The following PAK3 variants were observed in gnomAD, a reference collection of about 807,000 sequenced individuals.
The protein encoded by PAK3 is serine/threonine-protein kinase PAK 3.
PAK3 carries 4 observed loss-of-function variants against 41.0 expected under a neutral mutation model. The ratio of observed to expected loss-of-function variants is 0.10; its 90% CI spans 0.05 to 0.22. The LOEUF (loss-of-function observed/expected upper bound fraction) is 0.22. PAK3 is among the 10% of genes least tolerant of loss of function. The probability of loss-of-function intolerance (pLI) is 1.00; values close to 1 mark genes in which losing one functional copy is unlikely to be tolerated. For synonymous variants in PAK3, 146 were observed against 139.6 expected, an observed-to-expected ratio of 1.05 and a Z score of -0.32; for missense variants, 205 against 409.9, an observed-to-expected ratio of 0.50 and a Z score of 4.32.
chrX:110,987,339 G>A (rs1041827923), intron 1 of PAK3, among the ~76,000 whole-genome samples: 2 of 112,485 alleles, frequency 1.8e-5, no homozygotes, highest in Non-Finnish European at 3.8e-5. Context: ...GATGGAGAGT[G>A]TGTTCATTTC....
intron 1 of PAK3, among the ~76,000 whole-genome samples, chrX:111,075,627 G>T (rs2092778362): frequency 8.9e-6 from 1 of 112,805 alleles, no homozygotes; most frequent in African/African-American, 3.2e-5. Context: ...CCTCTACTAT[G>T]GCAGCACCAA....
rs1171139193 is a variant in PAK3 at position 111,224,708 on chromosome X, C to A, written c.*4261C>A. On this transcript the variant is annotated 3_prime_UTR_variant, in exon 18 of 18. Transcript: ENST00000372007. The stretch of plus-strand genomic sequence containing the variant: ...TGTGATTTTTAAAGAGCAAGGGAGA[C>A]CATCTAACCAAAGGATAACTTCCTT... 1 of 111,866 alleles carries A rather than the reference C, an allele frequency of 8.9e-6. No homozygotes were observed. The highest frequency in any genetic ancestry group is 1.9e-5 in the Non-Finnish European group (1 of 53,175). 9.2% of individuals were successfully genotyped at this position (111,866 alleles called of 1,213,427 possible). A position where few individuals can be genotyped will look rare whatever the true frequency, so the allele number is the denominator to read the frequency against.
At chrX:111,083,908 G>C (rs187296891) in intron 1 of PAK3, among the ~76,000 whole-genome samples, 280 of 112,667 alleles carry the variant, frequency 2.5e-3, no homozygotes, top group Non-Finnish European at 4.2e-3. Flanking sequence ...GTGCTTGGCA[G>C]AGTGCTAGGC....
At position 111,220,360 on chromosome X, in the gene PAK3, T is replaced by C. The variant is rs1189080607; in HGVS notation, c.1548T>C (p.His516=). 2 of 1,171,990 alleles carry C rather than the reference T, an allele frequency of 1.7e-6. No individual in the cohort carries two copies. Among genetic ancestry groups the C allele is most frequent in the Non-Finnish European group, 2.3e-6 (2 of 861,087 alleles). Reference sequence around the variant, plus strand: ...CCTCTTTTTCCTTCCTTTTGCAGCATCCATTTTTAAAATTAGCCAAGCCTC... The same window carrying C: ...CCTCTTTTTCCTTCCTTTTGCAGCACCCATTTTTAAAATTAGCCAAGCCTC... ...RRGSAKELLQ[H]PFLKLAKPLS... The change falls in exon 18 of 18, where the codon CAT becomes CAC. Residue 516 remains histidine (H), a splice_region_variant and synonymous_variant. Transcript: ENST00000372007.
chrX:111,004,434 A>G (rs748133692), intron 1 of PAK3, among the ~76,000 whole-genome samples: 15 of 112,421 alleles, frequency 1.3e-4, no homozygotes, highest in African/African-American at 4.8e-4. Flanking sequence ...TTGGGTTAAC[A>G]GCCTGAAATG....
At chrX:111,213,076 C>A (rs1373554587) in intron 16 of PAK3, among the ~76,000 whole-genome samples, 1 of 112,079 alleles carries the variant, frequency 8.9e-6, no homozygotes. Context: ...GAGCAAAAGG[C>A]AACCTTGCAT....
intron 1 of PAK3, among the ~76,000 whole-genome samples, chrX:111,046,864 C>A (rs144030950): frequency 1.8e-5 from 2 of 111,632 alleles, no homozygotes; most frequent in Non-Finnish European, 3.8e-5. Flanking sequence ...GTGTTGTAAC[C>A]CTTAATGCAA....
chrX:111,097,366 T>C (rs2093026859), intron 1 of PAK3, 24 bp from the exon 2 acceptor site: 2 of 107,226 alleles, frequency 1.9e-5, no homozygotes, highest in Non-Finnish European at 3.9e-5. Flanking sequence ...TGTTTTTTTT[T>C]TTTTTTTTGG....
At chrX:111,081,040 T>C (rs1158311892) in intron 1 of PAK3, among the ~76,000 whole-genome samples, 2 of 111,447 alleles carry the variant, frequency 1.8e-5, no homozygotes, top group Non-Finnish European at 3.8e-5. Flanking sequence ...GTTGCTTAAC[T>C]CAGAAGCAGA....
intron 8 of PAK3, among the ~76,000 whole-genome samples, chrX:111,161,788 T>C (rs982671068): frequency 1.8e-5 from 2 of 111,398 alleles, no homozygotes; most frequent in Non-Finnish European, 3.8e-5. Context: ...ATATGTGGCA[T>C]TATTTCTGAG....
chrX:110,946,272 T>A (rs1382694958), intron 1 of PAK3, among the ~76,000 whole-genome samples: 2 of 110,679 alleles, frequency 1.8e-5, no homozygotes, highest in Non-Finnish European at 3.8e-5. Flanking sequence ...TAAGTGAGAC[T>A]GCAGGGAGTC....
Position 111,152,443 on chromosome X carries a change from C to T in PAK3, c.464C>T (p.Pro155Leu). 1 of 1,164,880 alleles carries T rather than the reference C, an allele frequency of 8.6e-7. No homozygotes were observed. Among genetic ancestry groups the T allele is most frequent in the Non-Finnish European group, 1.2e-6 (1 of 853,373 alleles). The change falls in exon 8 of 18, where the codon CCT becomes CTT. Residue 155 changes from proline (P) to leucine (L), a missense_variant. This residue lies in a region of PAK3 where 75 missense variants were observed against 91.9 expected (regional missense o/e 0.82). Coordinates refer to ENST00000372007, the MANE Select transcript of PAK3 (RefSeq NM_002578.5). The stretch of plus-strand genomic sequence containing the variant: ...GCACATGGATACATAGCAGCCCATC[C>T]TTCGGTAAGTGAAAAATTGAAAACT... ...KSAHGYIAAH[P>L]SSTKTASEPP... is the part of the protein sequence containing the mutation.
chrX:111,121,123 T>C (rs1218180441), intron 4 of PAK3, among the ~76,000 whole-genome samples: 1 of 112,546 alleles, frequency 8.9e-6, no homozygotes, highest in Non-Finnish European at 1.9e-5. Context: ...ATCCTTGACA[T>C]CACAATTACT....
chrX:111,129,910 G>T (rs1382326483), intron 5 of PAK3, among the ~76,000 whole-genome samples: 1 of 111,409 alleles, frequency 9.0e-6, no homozygotes, highest in Non-Finnish European at 1.9e-5. Context: ...AAGGCTAAGG[G>T]ATATGAAGTT....
intron 16 of PAK3, among the ~76,000 whole-genome samples, chrX:111,200,292 G>A (rs1172258715): frequency 2.7e-5 from 3 of 111,751 alleles, no homozygotes; most frequent in Non-Finnish European, 5.7e-5. Context: ...TTTGTATTTG[G>A]GAACTGCATT....
At position 111,002,065 on chromosome X, in the gene PAK3, A is replaced by G. The variant is rs1602725206; in HGVS notation, c.-28+57437A>G. On this transcript the variant is annotated intron_variant, in intron 1 of 14. Coordinates refer to the PAK3 transcript ENST00000425146. ...GAGGTTTAAAGAAATTAAAAGGTCTATAGCTATAATGTTTTCTAGTTCCTT... is the reference window on the plus strand; with the variant it reads ...GAGGTTTAAAGAAATTAAAAGGTCTGTAGCTATAATGTTTTCTAGTTCCTT... Among the ~76,000 whole-genome samples, 3 of 112,095 alleles carry G rather than the reference A, an allele frequency of 2.7e-5. No individual in the cohort carries two copies. In the South Asian group the frequency reaches 1.1e-3, roughly 42 times the overall value.
intron 1 of PAK3, among the ~76,000 whole-genome samples, chrX:111,041,478 A>G (rs978006468): frequency 8.9e-6 from 1 of 111,741 alleles, no homozygotes; most frequent in African/African-American, 3.3e-5. Flanking sequence ...TCACTGTGCC[A>G]CCCCTCTGCC....
intron 10 of PAK3, among the ~76,000 whole-genome samples, chrX:111,172,598 T>C (rs189993255): frequency 9.0e-6 from 1 of 111,348 alleles, no homozygotes; most frequent in East Asian, 2.8e-4. Flanking sequence ...CAACATGCAG[T>C]ATTTGGTTTT....
intron 1 of PAK3, among the ~76,000 whole-genome samples, chrX:110,971,981 C>T (rs1308113566): frequency 9.0e-6 from 1 of 110,764 alleles, no homozygotes; most frequent in Non-Finnish European, 1.9e-5. Flanking sequence ...AATCAAACGG[C>T]CATAAGTGTG....
Sources: allele counts gnomAD v4.1 joint callset (sites outside exome capture counted in the v4.1 genomes callset), GRCh38; gene constraint gnomAD v4.1.1; regional missense constraint gnomAD v4.1.1; transcripts MANE v1.5; gene names NCBI Gene and HGNC (gene_info 2026-07-23, HGNC 2026-07-21).